NAALADL2: variants seen among roughly 807,000 people sequenced by gnomAD.
NAALADL2 encodes N-acetylated alpha-linked acidic dipeptidase like 2, also known as inactive N-acetylated-alpha-linked acidic dipeptidase-like protein 2.
A neutral mutation model predicts 87.2 loss-of-function variants in NAALADL2; 76 were observed. That is an observed-to-expected ratio of 0.87 (90% CI 0.72 to 1.05). NAALADL2 has a LOEUF of 1.05. Ranked by LOEUF, NAALADL2 falls within the 50% of genes least tolerant of loss-of-function variation. NAALADL2 has a pLI of 0.00. For missense variants in NAALADL2, 1,089 were observed against 945.8 expected, an observed-to-expected ratio of 1.15 and a Z score of -1.99; for synonymous variants, 354 against 331.0, an observed-to-expected ratio of 1.07 and a Z score of -0.75.
At chr3:174,674,774 C>A (rs748010802) in intron 2 of NAALADL2, among the ~76,000 whole-genome samples, 33 of 151,910 alleles carry the variant, frequency 2.2e-4, no homozygotes, top group Non-Finnish European at 4.4e-4. Flanking sequence ...TTTTTTCTGA[C>A]TTTCTCTTCT....
chr3:174,939,106 G>T (rs1738182114), intron 1 of NAALADL2, among the ~76,000 whole-genome samples: 1 of 152,060 alleles, frequency 6.6e-6, no homozygotes, highest in African/African-American at 2.4e-5. Context: ...GGATGGTATT[G>T]CCTAGGTTGT....
chr3:175,457,455 T>A (rs76407154), intron 6 of NAALADL2, among the ~76,000 whole-genome samples: 1 of 152,138 alleles, frequency 6.6e-6, no homozygotes, highest in Admixed American at 6.6e-5. Context: ...CTTTAGCCAC[T>A]AGTATTTGTG....
At chr3:175,343,178 A>G (rs114447612) in intron 5 of NAALADL2, among the ~76,000 whole-genome samples, 6,894 of 152,082 alleles carry the variant, frequency 0.045, 496 homozygotes, top group African/African-American at 0.16. Flanking sequence ...ATGAAATTAG[A>G]TGAATTATAA....
At chr3:174,505,523 G>C (rs1255214897) in intron 1 of NAALADL2, among the ~76,000 whole-genome samples, 1 of 152,008 alleles carries the variant, frequency 6.6e-6, no homozygotes, top group Non-Finnish European at 1.5e-5. Flanking sequence ...TTAAGACCTA[G>C]CTGAGAAATA....
chr3:175,495,960 C>T (rs555171189), intron 9 of NAALADL2, among the ~76,000 whole-genome samples: 2 of 151,932 alleles, frequency 1.3e-5, no homozygotes, highest in South Asian at 4.1e-4. Context: ...ATTTATGACT[C>T]GACAACTTCT....
chr3:175,654,623 A>G (rs1240245127), intron 11 of NAALADL2, among the ~76,000 whole-genome samples: 1 of 152,206 alleles, frequency 6.6e-6, no homozygotes, highest in African/African-American at 2.4e-5. Context: ...AAAAATCGCA[A>G]TTGGCATCGC....
chr3:175,160,167 T>C (rs993737979), intron 2 of NAALADL2, among the ~76,000 whole-genome samples: 2 of 151,756 alleles, frequency 1.3e-5, no homozygotes, highest in African/African-American at 4.8e-5. Context: ...ATTAAAGTGA[T>C]ATTCACTTGC....
intron 3 of NAALADL2, among the ~76,000 whole-genome samples, chr3:175,236,587 G>A (rs867175713): frequency 6.6e-6 from 1 of 151,216 alleles, no homozygotes; most frequent in East Asian, 1.9e-4. Flanking sequence ...GCGGGGGTGG[G>A]TATATTAACA....
intron 1 of NAALADL2, among the ~76,000 whole-genome samples, chr3:175,000,836 T>C (rs770135301): frequency 4.8e-4 from 73 of 152,158 alleles, no homozygotes; most frequent in Admixed American, 2.6e-4. Flanking sequence ...CCATGAGAGG[T>C]AAATATTATT....
At chr3:175,019,298 A>T (rs928686192) in intron 1 of NAALADL2, among the ~76,000 whole-genome samples, 2 of 152,028 alleles carry the variant, frequency 1.3e-5, no homozygotes, top group African/African-American at 4.8e-5. Flanking sequence ...CCTTGAATCA[A>T]TTATTAAGAA....
In NAALADL2 at chr3:175,711,571, A is replaced by C. The variant is rs151237319; in HGVS notation, c.1897-25735A>C. Among the ~76,000 whole-genome samples the C allele has an allele frequency of 2.8e-3, 432 of 152,070 alleles. 1 individual carries two copies. The highest frequency in any genetic ancestry group is 9.8e-3 in the African/African-American group (406 of 41,554). On this transcript the variant is annotated intron_variant, in intron 11 of 13. Coordinates refer to ENST00000454872, the MANE Select transcript of NAALADL2 (RefSeq NM_207015.3). Reference sequence around the variant, plus strand: ...GTCAAGCTTATAATTAGTGAGAAATAACCCTCAGAAATTAGTGTGCATCTC... The same window carrying C: ...GTCAAGCTTATAATTAGTGAGAAATCACCCTCAGAAATTAGTGTGCATCTC...
chr3:175,667,492 A>G (rs1733353996), intron 11 of NAALADL2, among the ~76,000 whole-genome samples: 1 of 152,080 alleles, frequency 6.6e-6, no homozygotes, highest in South Asian at 2.1e-4. Context: ...AAACCCCATG[A>G]TGGAGTTGTA....
chr3:174,971,879 G>T (rs1288511170), intron 1 of NAALADL2, among the ~76,000 whole-genome samples: 1 of 152,088 alleles, frequency 6.6e-6, no homozygotes, highest in Non-Finnish European at 1.5e-5. Context: ...TGTATTTTTA[G>T]TAGAGATGGA....
chr3:175,786,118 C>T (rs1576824662), intron 13 of NAALADL2, among the ~76,000 whole-genome samples: 1 of 152,160 alleles, frequency 6.6e-6, no homozygotes, highest in South Asian at 2.1e-4. Context: ...ACCTTTCTCT[C>T]TGGCTGCCCT....
chr3:175,758,396 TTA>T (rs777172641), intron 13 of NAALADL2, among the ~76,000 whole-genome samples: 1 of 151,660 alleles, frequency 6.6e-6, no homozygotes. Flanking sequence ...CTATATTAAT[TTA>T]TATATATTAA....
At chr3:174,961,965 G>A (rs1485354853) in intron 1 of NAALADL2, among the ~76,000 whole-genome samples, 1 of 147,066 alleles carries the variant, frequency 6.8e-6, no homozygotes, top group Non-Finnish European at 1.5e-5. Context: ...GGGTTGGTCT[G>A]TGTAATGTGT....
intron 2 of NAALADL2, among the ~76,000 whole-genome samples, chr3:175,109,991 C>G (rs1347394262): frequency 6.6e-6 from 1 of 151,808 alleles, no homozygotes; most frequent in Admixed American, 6.6e-5. Flanking sequence ...CTACCTCTCT[C>G]TTTAAAAATA....
chr3:175,657,369 C>A (rs1415955849), intron 11 of NAALADL2, among the ~76,000 whole-genome samples: 1 of 152,046 alleles, frequency 6.6e-6, no homozygotes, highest in African/African-American at 2.4e-5. Flanking sequence ...GTATCAGGGA[C>A]ATTAAATGTA....
intron 2 of NAALADL2, among the ~76,000 whole-genome samples, chr3:174,672,903 A>C (rs1356256327): frequency 4.1e-5 from 3 of 72,386 alleles, no homozygotes; most frequent in African/African-American, 1.3e-4. Context: ...CATTATAAAG[A>C]TTGTGGCTTG....
Sources: allele counts gnomAD v4.1 joint callset (sites outside exome capture counted in the v4.1 genomes callset), GRCh38; gene constraint gnomAD v4.1.1; transcripts MANE v1.5; gene names NCBI Gene and HGNC (gene_info 2026-07-23, HGNC 2026-07-21).